Variants in PLD1 observed in about 807,000 individuals in gnomAD.
PLD1 encodes the protein choline phosphatase 1.
Under a neutral mutation model 137.1 loss-of-function variants are expected in PLD1, and 112 were observed. The observed-to-expected ratio is 0.82, with a 90% CI of 0.70 to 0.96. The LOEUF (loss-of-function observed/expected upper bound fraction) is 0.96. Ranked by LOEUF, PLD1 falls within the 40% of genes least tolerant of loss-of-function variation. The probability of loss-of-function intolerance (pLI) is 0.00; values close to 1 mark genes in which losing one functional copy is unlikely to be tolerated. For synonymous variants in PLD1, 431 were observed against 454.7 expected, an observed-to-expected ratio of 0.95 and a Z score of 0.66; for missense variants, 1,321 against 1,342.0, an observed-to-expected ratio of 0.98 and a Z score of 0.24.
chr3:171,663,500 C>T (rs1345522549), intron 19 of PLD1, among the ~76,000 whole-genome samples: 1 of 152,144 alleles, frequency 6.6e-6, no homozygotes, highest in East Asian at 1.9e-4. Context: ...GGCCTGGTAT[C>T]TATTAAGTGG....
Position 171,668,720 on chromosome 3 carries a change from A to G in PLD1, c.2229+5780T>C, listed in dbSNP as rs9863833. Among the ~76,000 whole-genome samples the G allele has an allele frequency of 6.8e-3, 1,033 of 152,252 alleles. 13 individuals are homozygous for G. Among genetic ancestry groups the G allele is most frequent in the African/African-American group, 0.02 (818 of 41,536 alleles). The stretch of plus-strand genomic sequence containing the variant: ...GAATTCTCAGCATGACTGTCCAAGG[A>G]ATGGTTTCTACTATGAGCTTTAAAA... On this transcript the variant is annotated intron_variant, in intron 19 of 26. Coordinates refer to ENST00000351298, the MANE Select transcript of PLD1 (RefSeq NM_002662.5).
In PLD1 at chr3:171,612,252, C is replaced by CAG; in HGVS notation, c.2882+25_2882+26dup. ...AGCGACTGCTGCAGTGGAAATGCAT[C>CAG]AGAGAGACACACTTTGGCGGACTGA... On this transcript the variant is annotated intron_variant, in intron 25 of 26. Transcript: ENST00000351298. This position sits in a 1 kb window ranked among gnomAD's most constrained non-coding sequence, Gnocchi z 4.1. 2 of 1,608,990 alleles carry CAG rather than the reference C, an allele frequency of 1.2e-6. No individual in the cohort carries two copies. The highest frequency in any genetic ancestry group is 1.7e-6 in the Non-Finnish European group (2 of 1,176,178).
intron 11 of PLD1, 121 bp from the exon 12 acceptor site, chr3:171,699,947 G>A: frequency 1.4e-6 from 1 of 728,606 alleles, no homozygotes; most frequent in Middle Eastern, 2.4e-4. Context: ...CATTGTGATG[G>A]GTAATCCAAA....
chr3:171,724,920 G>A (rs534230553), intron 7 of PLD1, 132 bp from the exon 8 acceptor site: 398 of 675,778 alleles, frequency 5.9e-4, no homozygotes, highest in Non-Finnish European at 8.3e-4. Flanking sequence ...TCTCCTCCTC[G>A]CTCTCAACTA....
chr3:171,626,610 G>A (rs966952257), intron 23 of PLD1, among the ~76,000 whole-genome samples: 3 of 151,862 alleles, frequency 2.0e-5, no homozygotes, highest in African/African-American at 4.9e-5. Flanking sequence ...GAGAAAGGTC[G>A]GGTTACCCAC....
Position 171,735,601 on chromosome 3 carries a change from G to T in PLD1, c.325C>A (p.His109Asn). ...SINLYTIELT[H>N]GEFKWQVKRK... ...TTAACTTGCCATTTAAATTCCCCAT[G>T]TGTTAATTCAATAGTGTAAAGATTA... The change falls in exon 4 of 27, where the codon CAT (histidine) becomes AAT (asparagine). Residue 109 changes from histidine (H) to asparagine (N), a missense_variant. Transcript: ENST00000351298. The T allele has an allele frequency of 6.4e-7, 1 of 1,552,530 alleles. No individual in the cohort carries two copies. Among genetic ancestry groups the T allele is most frequent in the South Asian group, 1.1e-5 (1 of 89,716 alleles).
At chr3:171,712,292 A>G (rs1717321512) in intron 9 of PLD1, among the ~76,000 whole-genome samples, 1 of 152,300 alleles carries the variant, frequency 6.6e-6, no homozygotes, top group African/African-American at 2.4e-5. Flanking sequence ...TGGTGGAGAC[A>G]CGGGTTTCTA....
At position 171,614,992 on chromosome 3, in the gene PLD1, T is replaced by C. The variant is rs1312177987; in HGVS notation, c.2729-2560A>G. ...ATGGAATTACCCAGATAACTGACTCTCCACCACATTAAATAAGTGTGTTGG... is the reference window on the plus strand; with the variant it reads ...ATGGAATTACCCAGATAACTGACTCCCCACCACATTAAATAAGTGTGTTGG... On this transcript the variant is annotated intron_variant, in intron 24 of 26. Transcript: ENST00000351298. 5.3e-5 allele frequency among the ~76,000 whole-genome samples: 8 copies of C among 152,176 alleles called. No individual in the cohort carries two copies. In the East Asian group the frequency reaches 1.5e-3, roughly 29 times the overall value.
In PLD1 at chr3:171,688,798, AT is replaced by A. The variant is rs754297172; in HGVS notation, c.1416del (p.Gln472HisfsTer29). The A allele has an allele frequency of 4.3e-5, 70 of 1,614,042 alleles. No individual in the cohort carries two copies. Among genetic ancestry groups the A allele is most frequent in the Non-Finnish European group, 5.8e-5 (69 of 1,180,010 alleles). ...AHHEKLVIID[Q>X]SVAFVGGIDL... ...TCAATCCCTCCCACAAAGGCCACCG[AT>A]TGGTCAATGATGACAAGCTTCTCAT... is the stretch of plus-strand genomic sequence containing the variant. On this transcript the variant is annotated frameshift_variant, in exon 14 of 27. Coordinates refer to ENST00000351298, the MANE Select transcript of PLD1 (RefSeq NM_002662.5). LOFTEE classifies it high-confidence loss of function.
Position 171,737,633 on chromosome 3 carries a change from T to C in PLD1, c.187A>G (p.Asn63Asp), listed in dbSNP as rs201053583. The stretch of plus-strand genomic sequence containing the variant: ...TTAGGCTCCTTAAATCCTTGAGTGT[T>C]ATAAATAGCAGAGAAAGGGATATAC... ...EVYIPFSAIY[N>D]TQGFKEPNIQ... Residue 63 changes from asparagine (N) to aspartate (D), a missense_variant, in exon 3 of 27, where the codon AAC (asparagine) becomes GAC (aspartate). Transcript: ENST00000351298. The C allele has an allele frequency of 1.2e-5, 19 of 1,580,840 alleles. No individual in the cohort carries two copies. Among genetic ancestry groups the C allele is most frequent in the Non-Finnish European group, 1.3e-5 (15 of 1,152,612 alleles).
intron 1 of PLD1, among the ~76,000 whole-genome samples, chr3:171,796,840 A>G (rs182913788): frequency 1.3e-5 from 2 of 152,134 alleles, no homozygotes; most frequent in East Asian, 3.9e-4. Flanking sequence ...TATCCCTCCC[A>G]TCTTCATGCT....
intron 1 of PLD1, among the ~76,000 whole-genome samples, chr3:171,752,991 T>C (rs181478752): frequency 5.3e-5 from 8 of 152,170 alleles, no homozygotes; most frequent in Non-Finnish European, 8.8e-5. Flanking sequence ...AGACAAAGGA[T>C]TGATGAGACT....
At chr3:171,762,265 C>T (rs1372552672) in intron 1 of PLD1, among the ~76,000 whole-genome samples, 3 of 152,212 alleles carry the variant, frequency 2.0e-5, no homozygotes, top group Non-Finnish European at 4.4e-5. Flanking sequence ...GCTTTTTGGT[C>T]ATCTTCTTCA....
chr3:171,673,903 G>A (rs528951185), intron 19 of PLD1, among the ~76,000 whole-genome samples: 20 of 150,836 alleles, frequency 1.3e-4, no homozygotes, highest in African/African-American at 5.0e-4. Flanking sequence ...GGTAAAGGAA[G>A]CAGATTGGGT....
chr3:171,801,514 C>T (rs560488523), intron 1 of PLD1, among the ~76,000 whole-genome samples: 2 of 152,216 alleles, frequency 1.3e-5, no homozygotes, highest in Non-Finnish European at 2.9e-5. Context: ...CTGTAACCTC[C>T]ACCTCCTAGG....
In PLD1 at chr3:171,642,852, A is replaced by G. The variant is rs1735882213; in HGVS notation, c.2581T>C (p.Leu861=). 1.9e-6 allele frequency: 3 copies of G among 1,584,248 alleles called. No homozygotes were observed. The South Asian group carries it at 3.4e-5, about 18-fold the overall frequency. The change falls in exon 23 of 27, where the codon TTA becomes CTA. Residue 861 remains leucine, a synonymous_variant. Coordinates refer to ENST00000351298, the MANE Select transcript of PLD1 (RefSeq NM_002662.5). ...CRGENSILGQ[L]KAELGNQWIN... is the part of the protein sequence containing the mutation. ...AGCAGTTACTTACGCTCTGCTTTTA[A>G]CTGTCCAAGGATGGAATTTTCTCCT... is the stretch of plus-strand genomic sequence containing the variant.
At chr3:171,730,542 C>G (rs1718855793) in intron 6 of PLD1, among the ~76,000 whole-genome samples, 1 of 151,970 alleles carries the variant, frequency 6.6e-6, no homozygotes, top group Non-Finnish European at 1.5e-5. Flanking sequence ...TGTCTAATTT[C>G]AGAGGCTACT....
At chr3:171,797,354 G>A (rs1340508164) in intron 1 of PLD1, among the ~76,000 whole-genome samples, 5 of 152,098 alleles carry the variant, frequency 3.3e-5, no homozygotes, top group Non-Finnish European at 7.4e-5. Flanking sequence ...TTACTGATGT[G>A]TCAGCTAAAC....
At chr3:171,621,951 G>T (rs1462436355) in intron 23 of PLD1, among the ~76,000 whole-genome samples, 1 of 152,016 alleles carries the variant, frequency 6.6e-6, no homozygotes, top group African/African-American at 2.4e-5. Context: ...CAGGAACTGG[G>T]TCTTACACAT....
Sources: gnomAD v4.1 joint callset for allele counts (sites outside exome capture counted in the v4.1 genomes callset) on GRCh38, gnomAD v4.1.1 for gene constraint, Gnocchi (gnomAD v3.1) non-coding constraint, MANE v1.5 for transcripts, NCBI Gene and HGNC (gene_info 2026-07-23, HGNC 2026-07-21) for gene names.